Variants in LHFPL5 observed in about 807,000 individuals in gnomAD.
LHFPL5 encodes the protein LHFPL tetraspan subfamily member 5, also known as LHFPL tetraspan subfamily member 5 protein.
In LHFPL5, 12 loss-of-function variants were observed where a neutral mutation model predicts 18.7. That is an observed-to-expected ratio of 0.64 (90% CI 0.41 to 1.04). The LOEUF (loss-of-function observed/expected upper bound fraction) is 1.04, where lower values mean the gene tolerates loss of function less well. Ranked by LOEUF, LHFPL5 falls within the 50% of genes least tolerant of loss-of-function variation. LHFPL5 has a pLI of 0.00. For synonymous variants in LHFPL5, 111 were observed against 120.2 expected, an observed-to-expected ratio of 0.92 and a Z score of 0.50; for missense variants, 259 against 292.1, an observed-to-expected ratio of 0.89 and a Z score of 0.83.
chr6:35,815,429 T>A (rs1430861396), intron 2 of LHFPL5, among the ~76,000 whole-genome samples: 1 of 152,172 alleles, frequency 6.6e-6, no homozygotes, highest in Non-Finnish European at 1.5e-5. Context: ...TGCCTTTTGC[T>A]TCTGTTTCTC....
At chr6:35,808,639 A>G (rs1156934001) in intron 1 of LHFPL5, among the ~76,000 whole-genome samples, 3 of 143,656 alleles carry the variant, frequency 2.1e-5, no homozygotes, top group African/African-American at 7.6e-5. Flanking sequence ...TAGTAGTTTT[A>G]TGCCAAAGAG....
At chr6:35,806,113 G>A in intron 1 of LHFPL5, 31 bp downstream of exon 1, 1 of 1,607,584 alleles carries the variant, frequency 6.2e-7, no homozygotes, top group Non-Finnish European at 8.5e-7. Flanking sequence ...GGCAGGCAGG[G>A]GCCCACCCCG....
intron 1 of LHFPL5, among the ~76,000 whole-genome samples, chr6:35,808,459 G>A (rs902995377): frequency 1.4e-5 from 2 of 146,076 alleles, no homozygotes; most frequent in African/African-American, 5.0e-5. Flanking sequence ...ACCAGCCTGA[G>A]CAACATGGCG....
chr6:35,821,857 ATTTTTTTTT>A (rs763639486), intron 3 of LHFPL5, among the ~76,000 whole-genome samples: 124 of 39,156 alleles, frequency 3.2e-3, no homozygotes, highest in Non-Finnish European at 4.9e-3. Flanking sequence ...GTGTACCACA[ATTTTTTTTT>A]TTTTTTTTTT....
intron 2 of LHFPL5, among the ~76,000 whole-genome samples, chr6:35,818,351 A>ATATTTTTTTTTTTTTTTTTTTTT (rs1768805129): frequency 1.9e-5 from 2 of 106,926 alleles, no homozygotes; most frequent in African/African-American, 7.6e-5. Flanking sequence ...ATATATATGT[A>ATATTTTTTTTTTTTTTTTTTTTT]TTTTTTTTTT....
chr6:35,817,673 A>G (rs1768789192), intron 2 of LHFPL5, among the ~76,000 whole-genome samples: 1 of 152,242 alleles, frequency 6.6e-6, no homozygotes, highest in African/African-American at 2.4e-5. Context: ...TTTCACACCC[A>G]CTAAGATGAT....
intron 2 of LHFPL5, among the ~76,000 whole-genome samples, chr6:35,818,466 C>T (rs188581686): frequency 2.0e-5 from 3 of 148,660 alleles, no homozygotes; most frequent in African/African-American, 7.4e-5. Context: ...TCAAGTGATC[C>T]TCCCATATTA....
intron 1 of LHFPL5, among the ~76,000 whole-genome samples, chr6:35,807,850 A>G (rs1482118256): frequency 6.6e-6 from 1 of 152,228 alleles, no homozygotes; most frequent in Non-Finnish European, 1.5e-5. Context: ...ACATATTTAC[A>G]TAAGTATAAT....
intron 3 of LHFPL5, among the ~76,000 whole-genome samples, chr6:35,820,663 G>C (rs1158017109): frequency 1.3e-5 from 2 of 151,678 alleles, no homozygotes; most frequent in African/African-American, 4.8e-5. Context: ...TCGTGCCACT[G>C]CACTCCAGCT....
At chr6:35,809,799 C>T (rs551600643) in intron 1 of LHFPL5, among the ~76,000 whole-genome samples, 56 of 152,246 alleles carry the variant, frequency 3.7e-4, no homozygotes, top group African/African-American at 1.2e-3. Flanking sequence ...CCACCGCACC[C>T]GGCCTTATTA....
In LHFPL5 at chr6:35,814,807, G is replaced by A; in HGVS notation, c.649+25G>A. The A allele has an allele frequency of 6.3e-7, 1 of 1,591,576 alleles. No homozygotes were observed. The highest frequency in any genetic ancestry group is 8.6e-7 in the Non-Finnish European group (1 of 1,159,582). ...GGTAATCACCCAACTCCACAATGGT[G>A]TCCCCTGCCTGGAGACCCTGGGATG... On this transcript the variant is annotated intron_variant, in intron 2 of 3. Transcript: ENST00000360215. The surrounding 1 kb of genome is among the most constrained non-coding windows in gnomAD (Gnocchi z 4.2).
rs9380537 is a variant in LHFPL5, at chr6:35,810,647, A to C, written c.413-3899A>C. Among the ~76,000 whole-genome samples the C allele has an allele frequency of 2.8e-3, 426 of 152,126 alleles. 10 individuals carry two copies. The highest frequency in any genetic ancestry group is 0.026 in the Admixed American group (392 of 15,260). On this transcript the variant is annotated intron_variant, in intron 1 of 3. Transcript: ENST00000360215. ...CCTGTGGGCAGGGGATAATCCCCCCAAAAAATACAAAAAAATACAAAAATA... is the reference window on the plus strand; with the variant it reads ...CCTGTGGGCAGGGGATAATCCCCCCCAAAAATACAAAAAAATACAAAAATA...
At position 35,805,664 on chromosome 6, in the gene LHFPL5, C is replaced by T; in HGVS notation, c.-7C>T. Reference sequence around the variant, plus strand: ...GGGACCCCAGCCCAGGGCCTGCTGCCCTCACCATGGTGAAATTGCTGCCGG... The same window carrying T: ...GGGACCCCAGCCCAGGGCCTGCTGCTCTCACCATGGTGAAATTGCTGCCGG... On this transcript the variant is annotated 5_prime_UTR_variant, in exon 1 of 4. Transcript: ENST00000360215. The surrounding 1 kb of genome is among the most constrained non-coding windows in gnomAD (Gnocchi z 4.3). 6.2e-7 allele frequency: 1 copy of T among 1,614,058 alleles called. No homozygotes were observed. Among genetic ancestry groups the T allele is most frequent in the Non-Finnish European group, 8.5e-7 (1 of 1,180,008 alleles).
At chr6:35,818,340 TATATA>T (rs1561955614) in intron 2 of LHFPL5, among the ~76,000 whole-genome samples, 2 of 15,106 alleles carry the variant, frequency 1.3e-4, no homozygotes, top group Non-Finnish European at 3.1e-4. Flanking sequence ...TATATATATA[TATATA>T]TATGTATTTT....
chr6:35,815,398 A>G (rs569035813), intron 2 of LHFPL5, among the ~76,000 whole-genome samples: 5 of 152,062 alleles, frequency 3.3e-5, no homozygotes, highest in African/African-American at 1.2e-4. Flanking sequence ...ATTGCTTCCC[A>G]TTACTCCCTT....
At chr6:35,810,622 C>T (rs796696021) in intron 1 of LHFPL5, among the ~76,000 whole-genome samples, 28 of 152,000 alleles carry the variant, frequency 1.8e-4, no homozygotes, top group Admixed American at 5.2e-4. Flanking sequence ...GCACAGCTGC[C>T]CTGTGGGCAG....
In LHFPL5 at chr6:35,814,457, G is replaced by A; in HGVS notation, c.413-89G>A. On this transcript the variant is annotated intron_variant, in intron 1 of 3. Coordinates refer to ENST00000360215, the MANE Select transcript of LHFPL5 (RefSeq NM_182548.4). The surrounding 1 kb of genome is among the most constrained non-coding windows in gnomAD (Gnocchi z 4.2). Reference sequence around the variant, plus strand: ...GGCTGTTAACAGAAGGAGAAGGGAGGTGACAACATAACAGCAGTGCAAGGT... The same window carrying A: ...GGCTGTTAACAGAAGGAGAAGGGAGATGACAACATAACAGCAGTGCAAGGT... 9.9e-7 allele frequency: 1 copy of A among 1,008,308 alleles called. No homozygotes were observed. Among genetic ancestry groups the A allele is most frequent in the Non-Finnish European group, 1.6e-6 (1 of 629,070 alleles). 62.5% of individuals were successfully genotyped at this position (1,008,308 alleles called of 1,614,324 possible). A position where few individuals can be genotyped will look rare whatever the true frequency, so the allele number is the denominator to read the frequency against.
intron 1 of LHFPL5, among the ~76,000 whole-genome samples, chr6:35,806,693 T>C (rs1290380051): frequency 6.6e-6 from 1 of 152,234 alleles, no homozygotes; most frequent in African/African-American, 2.4e-5. Context: ...GAAACTTTCA[T>C]CTAAATTCCC....
At chr6:35,810,835 A>C (rs1768653807) in intron 1 of LHFPL5, among the ~76,000 whole-genome samples, 1 of 151,778 alleles carries the variant, frequency 6.6e-6, no homozygotes, top group South Asian at 2.1e-4. Flanking sequence ...TCAAAAAAAA[A>C]AAAAAAAAAG....
Sources: gnomAD v4.1 joint callset for allele counts (sites outside exome capture counted in the v4.1 genomes callset) on GRCh38, gnomAD v4.1.1 for gene constraint, Gnocchi (gnomAD v3.1) non-coding constraint, MANE v1.5 for transcripts, NCBI Gene and HGNC (gene_info 2026-07-23, HGNC 2026-07-21) for gene names.